Variants in HHAT observed in about 807,000 individuals in gnomAD.
The protein encoded by HHAT is hedgehog acyltransferase.
A neutral mutation model predicts 70.8 loss-of-function variants in HHAT; 47 were observed. That is an observed-to-expected ratio of 0.66 (90% CI 0.53 to 0.85). The LOEUF (loss-of-function observed/expected upper bound fraction) is 0.85. HHAT is among the 40% of genes least tolerant of loss of function. HHAT has a pLI of 0.00. For missense variants in HHAT, 609 were observed against 604.8 expected (o/e 1.01, Z -0.07); for synonymous variants, 228 against 247.6 (o/e 0.92, Z 0.74).
At chr1:210,363,415 G>A (rs562555819) in intron 3 of HHAT, among the ~76,000 whole-genome samples, 61 of 152,314 alleles carry the variant, frequency 4.0e-4, no homozygotes, top group African/African-American at 1.4e-3. Context: ...GTCTACTTTG[G>A]TAGCAGGCAG....
At chr1:210,356,317 G>T (rs2087614194) in intron 2 of HHAT, among the ~76,000 whole-genome samples, 1 of 152,066 alleles carries the variant, frequency 6.6e-6, no homozygotes, top group African/African-American at 2.4e-5. Context: ...CTGAAAAGTT[G>T]CATATTAATG....
At position 210,586,551 on chromosome 1, in the gene HHAT, A is replaced by G. The variant is rs554257558; in HGVS notation, c.1044-1347A>G. Among the ~76,000 whole-genome samples, 34 of 152,382 alleles carry G rather than the reference A, an allele frequency of 2.2e-4. 1 individual carries two copies. The highest frequency in any genetic ancestry group is 7.9e-4 in the African/African-American group (33 of 41,592). ...TTGATCTCCTCCCCTAAATTAATAT[A>G]TAAACAGGACAAATGCTAAATTGTT... On this transcript the variant is annotated intron_variant, in intron 9 of 11. Transcript: ENST00000261458.
chr1:210,483,175 A>G (rs777488358), intron 8 of HHAT, among the ~76,000 whole-genome samples: 1 of 152,090 alleles, frequency 6.6e-6, no homozygotes, highest in Non-Finnish European at 1.5e-5. Flanking sequence ...TCTTTCTACT[A>G]TTCTTTTGGC....
chr1:210,417,777 G>C (rs1197975342), intron 6 of HHAT, among the ~76,000 whole-genome samples: 1 of 152,090 alleles, frequency 6.6e-6, no homozygotes, highest in Non-Finnish European at 1.5e-5. Flanking sequence ...GGTGATGGAG[G>C]AATTCAGGCA....
At chr1:210,633,988 T>A (rs531280975) in intron 11 of HHAT, among the ~76,000 whole-genome samples, 1 of 152,276 alleles carries the variant, frequency 6.6e-6, no homozygotes, top group South Asian at 2.1e-4. Context: ...TAAAAAAAAA[T>A]ATTTTTTGGT....
chr1:210,431,128 T>A (rs574073142), intron 7 of HHAT, among the ~76,000 whole-genome samples: 2 of 151,990 alleles, frequency 1.3e-5, no homozygotes, highest in South Asian at 4.1e-4. Context: ...CCAGAGAATA[T>A]TTAGGTTTAT....
chr1:210,531,893 A>G (rs2095318635), intron 9 of HHAT, among the ~76,000 whole-genome samples: 1 of 152,174 alleles, frequency 6.6e-6, no homozygotes, highest in South Asian at 2.1e-4. Flanking sequence ...ATCTTTTTTG[A>G]CAAGACAGAT....
chr1:210,633,485 G>A (rs1671269027), intron 11 of HHAT, among the ~76,000 whole-genome samples: 1 of 152,206 alleles, frequency 6.6e-6, no homozygotes, highest in Admixed American at 6.5e-5. Context: ...GGTGATCCAG[G>A]TCAGGCAAGA....
In HHAT at chr1:210,497,198, A is replaced by C. The variant is rs553641675; in HGVS notation, c.1008-15955A>C. ...GAAACATAAAGGTATGCCCTACTTAAAGGAATCTTGTAGAATAATTACAGA... is the reference window on the plus strand; with the variant it reads ...GAAACATAAAGGTATGCCCTACTTACAGGAATCTTGTAGAATAATTACAGA... On this transcript the variant is annotated intron_variant, in intron 8 of 11. Transcript: ENST00000261458. 2.6e-5 allele frequency among the ~76,000 whole-genome samples: 4 copies of C among 152,338 alleles called. No individual in the cohort carries two copies. In the South Asian group the frequency reaches 8.3e-4, roughly 32 times the overall value.
intron 1 of HHAT, among the ~76,000 whole-genome samples, chr1:210,330,486 C>T (rs899269342): frequency 1.3e-5 from 2 of 152,168 alleles, no homozygotes; most frequent in Non-Finnish European, 2.9e-5. Context: ...TTTGGATCAA[C>T]GCCTGTGCTT....
At chr1:210,384,060 A>C (rs1464207613) in intron 3 of HHAT, among the ~76,000 whole-genome samples, 2 of 152,160 alleles carry the variant, frequency 1.3e-5, no homozygotes, top group Admixed American at 6.5e-5. Flanking sequence ...GGGTAGGAAA[A>C]GAGGCAGTTA....
chr1:210,424,579 T>A (rs2093004835), intron 7 of HHAT, among the ~76,000 whole-genome samples: 1 of 151,712 alleles, frequency 6.6e-6, no homozygotes, highest in South Asian at 2.1e-4. Context: ...TTTTTCCTGA[T>A]CTTTTCCCTC....
intron 11 of HHAT, among the ~76,000 whole-genome samples, chr1:210,637,546 A>T (rs1672107389): frequency 6.6e-6 from 1 of 152,144 alleles, no homozygotes; most frequent in Non-Finnish European, 1.5e-5. Flanking sequence ...TAACTCAATG[A>T]TAAAAAAGAC....
intron 9 of HHAT, among the ~76,000 whole-genome samples, chr1:210,575,181 C>T (rs2148748019): frequency 6.6e-6 from 1 of 152,268 alleles, no homozygotes; most frequent in African/African-American, 2.4e-5. Flanking sequence ...AATCATGCAT[C>T]CCTTCCTCAT....
chr1:210,399,443 G>A (rs2091957665), intron 4 of HHAT, among the ~76,000 whole-genome samples: 1 of 152,030 alleles, frequency 6.6e-6, no homozygotes, highest in Non-Finnish European at 1.5e-5. Context: ...TAGTAGAGAT[G>A]GGGTTTTGCC....
At chr1:210,492,398 C>T (rs1558015664) in intron 8 of HHAT, among the ~76,000 whole-genome samples, 1 of 152,144 alleles carries the variant, frequency 6.6e-6, no homozygotes, top group Non-Finnish European at 1.5e-5. Flanking sequence ...CTATATATCT[C>T]CTGCCTGTAT....
chr1:210,541,739 AAAAAC>A (rs1465618060), intron 9 of HHAT, among the ~76,000 whole-genome samples: 3 of 152,258 alleles, frequency 2.0e-5, no homozygotes, highest in Middle Eastern at 3.4e-3. Context: ...AAAACAAACA[AAAAAC>A]AAAACAACAG....
intron 6 of HHAT, among the ~76,000 whole-genome samples, chr1:210,410,072 A>T (rs910580237): frequency 2.7e-5 from 4 of 146,656 alleles, no homozygotes; most frequent in Non-Finnish European, 6.0e-5. Flanking sequence ...TTTTTTTTTG[A>T]GACAGAGTCT....
chr1:210,569,202 C>T (rs1023975939), intron 9 of HHAT, among the ~76,000 whole-genome samples: 18 of 151,582 alleles, frequency 1.2e-4, no homozygotes, highest in African/African-American at 4.4e-4. Flanking sequence ...GGCGAAACCC[C>T]ATCTCTACTA....
Sources: gnomAD v4.1 joint callset for allele counts (sites outside exome capture counted in the v4.1 genomes callset) on GRCh38, gnomAD v4.1.1 for gene constraint, MANE v1.5 for transcripts, NCBI Gene and HGNC (gene_info 2026-07-23, HGNC 2026-07-21) for gene names.